The following ADCY2 variants were observed in gnomAD, a reference collection of about 807,000 sequenced individuals.
ADCY2 encodes the protein adenylate cyclase 2.
Under a neutral mutation model 125.2 loss-of-function variants are expected in ADCY2, and 31 were observed. That is an observed-to-expected ratio of 0.25 (90% CI 0.19 to 0.33). The LOEUF (loss-of-function observed/expected upper bound fraction) is 0.33, where lower values mean the gene tolerates loss of function less well. ADCY2 is among the 10% of genes least tolerant of loss of function. The probability of loss-of-function intolerance (pLI) is 1.00; values close to 1 mark genes in which losing one functional copy is unlikely to be tolerated. For missense variants in ADCY2, 904 were observed against 1,418.2 expected, an observed-to-expected ratio of 0.64 and a Z score of 5.82; for synonymous variants, 512 against 548.4, an observed-to-expected ratio of 0.93 and a Z score of 0.93.
chr5:7,629,263 T>G (rs1161668859), intron 4 of ADCY2, among the ~76,000 whole-genome samples: 1 of 152,204 alleles, frequency 6.6e-6, no homozygotes, highest in Non-Finnish European at 1.5e-5. Context: ...CTGTCCTTCC[T>G]CCTTGGAGAG....
chr5:7,818,361 T>G (rs1488831846), intron 23 of ADCY2, among the ~76,000 whole-genome samples: 3 of 151,198 alleles, frequency 2.0e-5, no homozygotes, highest in African/African-American at 7.3e-5. Context: ...TTCTTTTTTT[T>G]TTTTTTCTTT....
intron 3 of ADCY2, among the ~76,000 whole-genome samples, chr5:7,608,098 A>T (rs1214902698): frequency 1.3e-5 from 2 of 152,248 alleles, no homozygotes; most frequent in African/African-American, 4.8e-5. Context: ...TTAATTAATT[A>T]CAGGCACAAA....
chr5:7,615,688 C>T (rs762663045), intron 3 of ADCY2, among the ~76,000 whole-genome samples: 1 of 152,136 alleles, frequency 6.6e-6, no homozygotes, highest in Non-Finnish European at 1.5e-5. Flanking sequence ...TATAAAATTT[C>T]AAGGGAAATA....
At chr5:7,713,293 C>G (rs1157359168) in intron 11 of ADCY2, among the ~76,000 whole-genome samples, 1 of 151,764 alleles carries the variant, frequency 6.6e-6, no homozygotes, top group African/African-American at 2.4e-5. Context: ...GAGTTTGAGA[C>G]CAGCCTGGCC....
At chr5:7,607,535 G>A (rs2126640717) in intron 3 of ADCY2, among the ~76,000 whole-genome samples, 1 of 152,304 alleles carries the variant, frequency 6.6e-6, no homozygotes, top group South Asian at 2.1e-4. Flanking sequence ...GCACCCCTGA[G>A]GACCCATGAG....
chr5:7,771,930 G>C (rs2126480837), intron 17 of ADCY2, among the ~76,000 whole-genome samples: 1 of 152,284 alleles, frequency 6.6e-6, no homozygotes, highest in African/African-American at 2.4e-5. Flanking sequence ...GGAATGCTGA[G>C]ATAGAAACAC....
At chr5:7,634,630 T>C (rs1738430587) in intron 4 of ADCY2, among the ~76,000 whole-genome samples, 2 of 152,142 alleles carry the variant, frequency 1.3e-5, no homozygotes. Flanking sequence ...TATTTTTACA[T>C]ATATTCTTCT....
chr5:7,662,888 G>C (rs1739580156), intron 4 of ADCY2, among the ~76,000 whole-genome samples: 1 of 152,224 alleles, frequency 6.6e-6, no homozygotes, highest in African/African-American at 2.4e-5. Flanking sequence ...CATGAGCAAG[G>C]AAATTGATAG....
intron 7 of ADCY2, among the ~76,000 whole-genome samples, chr5:7,701,143 A>G (rs963557667): frequency 2.6e-5 from 4 of 152,018 alleles, no homozygotes; most frequent in Non-Finnish European, 5.9e-5. Context: ...GAAAACCTCA[A>G]TGTTGGTTTC....
intron 10 of ADCY2, among the ~76,000 whole-genome samples, 190 bp from the exon 11 acceptor site, chr5:7,712,666 A>G (rs1389744887): frequency 1.3e-5 from 2 of 152,220 alleles, no homozygotes; most frequent in Non-Finnish European, 2.9e-5. Context: ...CAACATTCCA[A>G]AGATAAACTG....
intron 22 of ADCY2, among the ~76,000 whole-genome samples, chr5:7,813,788 C>T (rs1745014692): frequency 6.6e-6 from 1 of 152,180 alleles, no homozygotes; most frequent in African/African-American, 2.4e-5. Context: ...TGTGTGAAAA[C>T]AGATTGGGCA....
intron 20 of ADCY2, among the ~76,000 whole-genome samples, chr5:7,791,553 A>G (rs140757752): frequency 1.3e-5 from 2 of 152,202 alleles, no homozygotes; most frequent in African/African-American, 2.4e-5. Flanking sequence ...AACAAGTCTC[A>G]TGGCCCACTG....
At chr5:7,484,716 T>TTCTCTTGGGTACCAGTTTTCAGG (rs1742860702) in intron 2 of ADCY2, among the ~76,000 whole-genome samples, 1 of 152,202 alleles carries the variant, frequency 6.6e-6, no homozygotes, top group Non-Finnish European at 1.5e-5. Context: ...TTGGGCCAGC[T>TTCTCTTGGGTACCAGTTTTCAGG]TCTCTTGGGT....
chr5:7,757,304 A>G, intron 15 of ADCY2, 145 bp from the exon 16 acceptor site: 1 of 1,013,890 alleles, frequency 9.9e-7, no homozygotes, highest in Non-Finnish European at 1.4e-6. Context: ...GTGACTTCGT[A>G]TGGGTCCCCA....
intron 3 of ADCY2, among the ~76,000 whole-genome samples, chr5:7,597,754 C>T (rs924503618): frequency 6.6e-6 from 1 of 152,158 alleles, no homozygotes. Flanking sequence ...CACTGTACTC[C>T]AGCCTGGGTG....
chr5:7,465,097 C>A (rs1742059625), intron 2 of ADCY2, among the ~76,000 whole-genome samples: 1 of 152,044 alleles, frequency 6.6e-6, no homozygotes, highest in Non-Finnish European at 1.5e-5. Flanking sequence ...GGGGGAACCA[C>A]CCCCATGATT....
At chr5:7,442,920 T>C (rs1741067383) in intron 2 of ADCY2, among the ~76,000 whole-genome samples, 1 of 152,168 alleles carries the variant, frequency 6.6e-6, no homozygotes, top group East Asian at 1.9e-4. Flanking sequence ...TTATCCTAAA[T>C]GTTCTTATGT....
intron 7 of ADCY2, among the ~76,000 whole-genome samples, chr5:7,704,574 A>G (rs1047355781): frequency 2.0e-5 from 3 of 152,174 alleles, no homozygotes; most frequent in Non-Finnish European, 2.9e-5. Flanking sequence ...TTGAATATAC[A>G]TGCAACAAAA....
At chr5:7,499,033 G>T (rs936284293) in intron 2 of ADCY2, among the ~76,000 whole-genome samples, 4 of 152,146 alleles carry the variant, frequency 2.6e-5, no homozygotes, top group Non-Finnish European at 5.9e-5. Context: ...TGTTGAGATG[G>T]AGTCCCGCTT....
Sources: allele counts gnomAD v4.1 joint callset (sites outside exome capture counted in the v4.1 genomes callset), GRCh38; gene constraint gnomAD v4.1.1; transcripts MANE v1.5; gene names NCBI Gene and HGNC (gene_info 2026-07-23, HGNC 2026-07-21).